The following SETD7 variants were observed in gnomAD, a reference collection of about 807,000 sequenced individuals.
The protein encoded by SETD7 is SET domain containing 7, histone lysine methyltransferase.
Under a neutral mutation model 41.8 loss-of-function variants are expected in SETD7, and 16 were observed. The observed-to-expected ratio is 0.38, with a 90% CI of 0.26 to 0.58. The LOEUF is 0.58. Among genes scored for constraint, SETD7 ranks in the 20% least tolerant of loss-of-function variants. The pLI is 0.64. For missense variants in SETD7, 346 were observed against 459.7 expected, an observed-to-expected ratio of 0.75 and a Z score of 2.26; for synonymous variants, 163 against 169.7, an observed-to-expected ratio of 0.96 and a Z score of 0.31.
intron 7 of SETD7, among the ~76,000 whole-genome samples, chr4:139,499,027 C>G (rs1052579967): frequency 2.0e-5 from 3 of 152,034 alleles, no homozygotes; most frequent in African/African-American, 7.3e-5. Flanking sequence ...GCACCACTGC[C>G]CTCCCACCTG....
At chr4:139,539,700 T>C (rs1174698746) in intron 2 of SETD7, among the ~76,000 whole-genome samples, 2 of 152,204 alleles carry the variant, frequency 1.3e-5, no homozygotes, top group Non-Finnish European at 2.9e-5. Context: ...CCCAAATTCC[T>C]GTGTTGAACT....
intron 2 of SETD7, among the ~76,000 whole-genome samples, chr4:139,541,514 G>A (rs981662574): frequency 3.3e-5 from 5 of 152,196 alleles, no homozygotes; most frequent in Admixed American, 3.3e-4. Flanking sequence ...TCACCACGCT[G>A]CATCAATTCC....
At position 139,509,967 on chromosome 4, in the gene SETD7, T is replaced by C. The variant is rs1327058255; in HGVS notation, c.*1696A>G. 3.5e-6 allele frequency: 3 copies of C among 850,628 alleles called. No homozygotes were observed. The highest frequency in any genetic ancestry group is 6.2e-5 in the Admixed American group (1 of 16,104). 52.7% of individuals were successfully genotyped at this position (850,628 alleles called of 1,614,324 possible). On this transcript the variant is annotated 3_prime_UTR_variant, in exon 8 of 8. Transcript: ENST00000274031. Reference sequence around the variant, plus strand: ...CCGGGTGCTCTAGGAAGCCTGGTGTTGCAAAGAAGGGAAGGGCAACTCTGT... The same window carrying C: ...CCGGGTGCTCTAGGAAGCCTGGTGTCGCAAAGAAGGGAAGGGCAACTCTGT...
chr4:139,527,041 G>T (rs763912913), intron 4 of SETD7, among the ~76,000 whole-genome samples: 1 of 152,180 alleles, frequency 6.6e-6, no homozygotes, highest in African/African-American at 2.4e-5. Flanking sequence ...CATGAGGTGA[G>T]TTGGTCATTA....
chr4:139,533,969 G>C (rs1454012111), intron 2 of SETD7, among the ~76,000 whole-genome samples: 4 of 146,328 alleles, frequency 2.7e-5, no homozygotes, highest in Non-Finnish European at 4.4e-5. Flanking sequence ...ATATATCTAT[G>C]TATGTATGTA....
intron 7 of SETD7, among the ~76,000 whole-genome samples, chr4:139,496,889 CAT>C (rs145790157): frequency 0.022 from 3,296 of 150,096 alleles, 121 homozygotes; most frequent in African/African-American, 0.074. Context: ...CACACACACA[CAT>C]GCACACACAC....
intron 7 of SETD7, among the ~76,000 whole-genome samples, chr4:139,513,786 A>T (rs1310364940): frequency 1.3e-5 from 2 of 152,224 alleles, no homozygotes; most frequent in Non-Finnish European, 2.9e-5. Context: ...TGTCATGACA[A>T]AATGGGGTCA....
intron 7 of SETD7, among the ~76,000 whole-genome samples, chr4:139,498,421 A>C (rs903791679): frequency 2.6e-5 from 4 of 152,154 alleles, no homozygotes; most frequent in Non-Finnish European, 4.4e-5. Flanking sequence ...CAAGCTAGCC[A>C]ATCCCAGGCC....
At chr4:139,537,805 C>T (rs912928946) in intron 2 of SETD7, among the ~76,000 whole-genome samples, 19 of 152,162 alleles carry the variant, frequency 1.2e-4, no homozygotes, top group African/African-American at 2.9e-4. Context: ...TATATGAATT[C>T]GATATGCATA....
Position 139,509,959 on chromosome 4 carries a change from C to G in SETD7, c.*1704G>C. 1.1e-6 allele frequency: 1 copy of G among 903,470 alleles called. No individual in the cohort carries two copies. The highest frequency in any genetic ancestry group is 1.3e-6 in the Non-Finnish European group (1 of 755,306). The allele number at this position is 903,470 out of a possible 1,614,324, so 56.0% of individuals were successfully genotyped here. A position where few individuals can be genotyped will look rare whatever the true frequency, so the allele number is the denominator to read the frequency against. On this transcript the variant is annotated 3_prime_UTR_variant, in exon 8 of 8. Transcript: ENST00000274031. ...GCATGCAACCGGGTGCTCTAGGAAG[C>G]CTGGTGTTGCAAAGAAGGGAAGGGC...
exon 8 of SETD7, chr4:139,496,161 G>T (rs1726450111): frequency 2.2e-6 from 1 of 461,724 alleles, no homozygotes; most frequent in Non-Finnish European, 3.8e-6. Flanking sequence ...ATCAAGTCCT[G>T]CTGGTTTGAG....
chr4:139,517,146 T>C (rs1335210544), intron 7 of SETD7, among the ~76,000 whole-genome samples: 3 of 152,212 alleles, frequency 2.0e-5, no homozygotes. Context: ...TGCCCTAGGC[T>C]TAGGACTTTA....
intron 3 of SETD7, among the ~76,000 whole-genome samples, chr4:139,531,937 C>CA (rs1324188005): frequency 9.2e-5 from 14 of 151,854 alleles, no homozygotes; most frequent in Non-Finnish European, 1.9e-4. Flanking sequence ...ACTAAAAATA[C>CA]AAAAAAATTA....
chr4:139,524,403 C>A (rs757388587), intron 4 of SETD7, among the ~76,000 whole-genome samples: 8 of 152,196 alleles, frequency 5.3e-5, no homozygotes, highest in Non-Finnish European at 8.8e-5. Flanking sequence ...CAGATGGAGC[C>A]GTGAAGAGCC....
intron 7 of SETD7, chr4:139,496,590 C>T (rs993934771): frequency 1.2e-5 from 8 of 654,168 alleles, no homozygotes; most frequent in African/African-American, 3.6e-5. Flanking sequence ...TCTCAAGCCA[C>T]GGTGCTGAAA....
intron 2 of SETD7, among the ~76,000 whole-genome samples, chr4:139,544,036 C>A (rs1727859546): frequency 6.6e-6 from 1 of 152,046 alleles, no homozygotes; most frequent in African/African-American, 2.4e-5. Flanking sequence ...ACGCCTGTAA[C>A]CCCAGCACTT....
Position 139,517,889 on chromosome 4 carries a change from CG to C in SETD7, c.915del (p.Tyr305Ter). On this transcript the variant is annotated frameshift_variant, in exon 7 of 8. Transcript: ENST00000274031. LOFTEE classifies it high-confidence loss of function. ...GCAGCTCTGGGTAATACTTACATAT[CG>C]TAGATGCAGTTTGGAGTGAAGGAGT... ...ANHSFTPNCI[Y>X]DMFVHPRFGP... The C allele has an allele frequency of 6.2e-7, 1 of 1,612,810 alleles. No individual in the cohort carries two copies. The highest frequency in any genetic ancestry group is 8.5e-7 in the Non-Finnish European group (1 of 1,179,296).
intron 4 of SETD7, among the ~76,000 whole-genome samples, chr4:139,526,177 A>C (rs1354311340): frequency 6.6e-6 from 1 of 151,996 alleles, no homozygotes; most frequent in Non-Finnish European, 1.5e-5. Context: ...CAGCCTCCTG[A>C]GTAGCTGGGA....
At chr4:139,533,506 G>A (rs1440959134) in intron 2 of SETD7, 140 bp from the exon 3 acceptor site, 5 of 689,966 alleles carry the variant, frequency 7.2e-6, no homozygotes, top group African/African-American at 3.6e-5. Context: ...AATTATCATC[G>A]ACTGCTAGGA....
Sources: gnomAD v4.1 joint callset for allele counts (sites outside exome capture counted in the v4.1 genomes callset) on GRCh38, gnomAD v4.1.1 for gene constraint, MANE v1.5 for transcripts, NCBI Gene and HGNC (gene_info 2026-07-23, HGNC 2026-07-21) for gene names.